The following XAGE5 variants were observed in gnomAD, a reference collection of about 807,000 sequenced individuals.
XAGE5 encodes G antigen, family D, 5.
XAGE5 carries 13 observed loss-of-function variants against 13.1 expected under a neutral mutation model. The observed-to-expected ratio is 0.99, with a 90% CI of 0.64 to 1.57. The LOEUF is 1.57. XAGE5 is among the 40% of genes most tolerant of loss of function. The pLI is 0.00. For synonymous variants in XAGE5, 17 were observed against 25.0 expected (o/e 0.68, Z 0.96); for missense variants, 86 against 77.6 (o/e 1.11, Z -0.41).
chrX:52,817,926 T>G (rs1556778244), intron 5 of XAGE5, among the ~76,000 whole-genome samples: 1 of 112,102 alleles, frequency 8.9e-6, no homozygotes, highest in Non-Finnish European at 1.9e-5. Flanking sequence ...TGATTTAATG[T>G]GATCTGACCT....
chrX:52,813,695 C>T (rs782693491), intron 4 of XAGE5, among the ~76,000 whole-genome samples: 1 of 111,500 alleles, frequency 9.0e-6, no homozygotes, highest in East Asian at 2.8e-4. Flanking sequence ...GGGATGTTAA[C>T]CTCATTTTAT....
chrX:52,818,221 C>G lies in XAGE5; in HGVS notation c.*8C>G. On this transcript the variant is annotated 3_prime_UTR_variant, in exon 6 of 6. Transcript: ENST00000375501. ...GGGAAACCACAGCTTTAAACGAAGA[C>G]AACCAAAAGAATGCAAACTGGATTT... The G allele has an allele frequency of 2.5e-6, 3 of 1,211,126 alleles. No individual in the cohort carries two copies. Among genetic ancestry groups the G allele is most frequent in the Non-Finnish European group, 3.4e-6 (3 of 894,875 alleles).
chrX:52,815,207 G>A lies in XAGE5; in HGVS notation c.294G>A (p.Met98Ile), dbSNP rs1556777963. 6 of 1,209,271 alleles carry A rather than the reference G, an allele frequency of 5.0e-6. No individual in the cohort carries two copies. Among genetic ancestry groups the A allele is most frequent in the African/African-American group, 1.7e-5 (1 of 57,771 alleles). ...TGCCAAAATCAGAGCAATTTAAAAT[G>A]CCAGAAGGAGGTATGTTATCCATTA... ...KILPKSEQFK[M>I]PEGGEGKPQL The change falls in exon 5 of 6, where the codon ATG becomes ATA. Residue 98 changes from methionine to isoleucine, a missense_variant. By Grantham distance (10) the Met-to-Ile change is conservative (BLOSUM62 1). Coordinates refer to ENST00000375501, the MANE Select transcript of XAGE5 (RefSeq NM_001386970.1).
intron 5 of XAGE5, among the ~76,000 whole-genome samples, chrX:52,817,915 T>G (rs1926939217): frequency 8.9e-6 from 1 of 112,169 alleles, no homozygotes; most frequent in Non-Finnish European, 1.9e-5. Context: ...ATAGATGCAC[T>G]TGATTTAATG....
At chrX:52,813,473 C>T (rs1232079709) in intron 4 of XAGE5, among the ~76,000 whole-genome samples, 2 of 111,902 alleles carry the variant, frequency 1.8e-5, no homozygotes, top group East Asian at 5.6e-4. Flanking sequence ...ATTTTGTATG[C>T]TTGAAAATAT....
In XAGE5 at chrX:52,816,133, G is replaced by A. The variant is rs112445966; in HGVS notation, c.304+916G>A. ...TAACTTTTGTATTTTTAATAGAGAC[G>A]GGGTTTCACCATGTTGGCCAGTCTG... On this transcript the variant is annotated intron_variant, in intron 5 of 5. Transcript: ENST00000375501. 4.8e-4 allele frequency among the ~76,000 whole-genome samples: 53 copies of A among 110,518 alleles called. 1 individual carries two copies. Among genetic ancestry groups the A allele is most frequent in the African/African-American group, 1.6e-3 (49 of 30,356 alleles).
At position 52,815,170 on chromosome X, in the gene XAGE5, A is replaced by T. The variant is rs782302301; in HGVS notation, c.257A>T (p.Gln86Leu). 1.2e-5 allele frequency: 14 copies of T among 1,211,153 alleles called. No homozygotes were observed. Among genetic ancestry groups the T allele is most frequent in the Non-Finnish European group, 1.6e-5 (14 of 895,103 alleles). Residue 86 changes from glutamine (Q) to leucine (L), a missense_variant, in exon 5 of 6, where the codon CAG becomes CTG. By Grantham distance (113) the Gln-to-Leu change is moderately radical. Coordinates refer to ENST00000375501, the MANE Select transcript of XAGE5 (RefSeq NM_001386970.1). ...GDECGDSPDV[Q>L]GKILPKSEQF... The stretch of plus-strand genomic sequence containing the variant: ...GAATGCGGAGATAGTCCTGATGTCC[A>T]GGGGAAGATTCTGCCAAAATCAGAG...
intron 4 of XAGE5, 188 bp from the exon 5 acceptor site, chrX:52,814,904 G>A (rs1447444444): frequency 2.2e-6 from 1 of 458,396 alleles, no homozygotes; most frequent in Non-Finnish European, 3.7e-6. Context: ...TATGGGAAAT[G>A]TAGGTGTGCT....
At chrX:52,814,913 C>A in intron 4 of XAGE5, 179 bp from the exon 5 acceptor site, 1 of 498,637 alleles carries the variant, frequency 2.0e-6, no homozygotes, top group Non-Finnish European at 3.3e-6. Flanking sequence ...TGTAGGTGTG[C>A]TGAGACTTAT....
intron 2 of XAGE5, chrX:52,812,201 CCATGGAAGTGCTCAA>C: frequency 6.6e-6 from 1 of 150,480 alleles, no homozygotes; most frequent in Non-Finnish European, 1.3e-5. Context: ...TAGCATTTGG[CCATGGAAGTGCTCAA>C]GTGTGGTATA....
rs1157447860 is a variant in XAGE5, at chrX:52,812,218, TGTG to T, written c.-8-338_-8-336del. The T allele has an allele frequency of 3.5e-5, 6 of 170,506 alleles. No individual in the cohort carries two copies. In the Admixed American group the frequency reaches 4.4e-4, roughly 13 times the overall value. The allele number at this position is 170,506 out of a possible 1,213,427, so 14.1% of individuals were successfully genotyped here. On this transcript the variant is annotated intron_variant, in intron 2 of 5. Coordinates refer to ENST00000375501, the MANE Select transcript of XAGE5 (RefSeq NM_001386970.1). ...GCATTTGGCCATGGAAGTGCTCAAG[TGTG>T]GTATACACTCAGGTGCATTTTTCCA...
intron 4 of XAGE5, 55 bp downstream of exon 4, chrX:52,813,300 T>A (rs1926840686): frequency 9.6e-7 from 1 of 1,044,037 alleles, no homozygotes; most frequent in East Asian, 3.0e-5. Context: ...TGTGTGTGCA[T>A]CACGCCTTAT....
chrX:52,815,634 C>T (rs1281384356), intron 5 of XAGE5, among the ~76,000 whole-genome samples: 6 of 112,846 alleles, frequency 5.3e-5, no homozygotes, highest in Non-Finnish European at 1.1e-4. Flanking sequence ...ATCCAACACC[C>T]ATTTTTGCTT....
chrX:52,815,694 G>A (rs1196583712), intron 5 of XAGE5, among the ~76,000 whole-genome samples: 1 of 112,253 alleles, frequency 8.9e-6, no homozygotes, highest in Non-Finnish European at 1.9e-5. Context: ...CCATTTCATT[G>A]CTGATTTCTA....
chrX:52,811,951 G>A (rs372609815), intron 2 of XAGE5, among the ~76,000 whole-genome samples: 16 of 111,171 alleles, frequency 1.4e-4, no homozygotes, highest in Admixed American at 1.1e-3. Flanking sequence ...AAAGCCATGG[G>A]CACTTTAATT....
chrX:52,812,785 A>G (rs1433523231), intron 3 of XAGE5, 147 bp downstream of exon 3: 11 of 544,840 alleles, frequency 2.0e-5, no homozygotes, highest in Non-Finnish European at 3.0e-5. Flanking sequence ...GAGTAACCCA[A>G]GAAGACTACA....
rs184068026 is a variant in XAGE5 at position 52,817,091 on chromosome X, A to G, written c.305-1100A>G. Reference sequence around the variant, plus strand: ...AAAAATGGAAAAAGCACAACATGGAATATGAACAAGACCCAGATATTGAAT... The same window carrying G: ...AAAAATGGAAAAAGCACAACATGGAGTATGAACAAGACCCAGATATTGAAT... On this transcript the variant is annotated intron_variant, in intron 5 of 5. Coordinates refer to ENST00000375501, the MANE Select transcript of XAGE5 (RefSeq NM_001386970.1). Among the ~76,000 whole-genome samples, 5 of 112,261 alleles carry G rather than the reference A, an allele frequency of 4.5e-5. No individual in the cohort carries two copies. In the East Asian group the frequency reaches 1.4e-3, roughly 31 times the overall value.
chrX:52,812,340 C>T (rs1556777441), intron 2 of XAGE5: 2 of 358,475 alleles, frequency 5.6e-6, no homozygotes, highest in Admixed American at 4.8e-5. Flanking sequence ...ATGGTGCAAT[C>T]TCGGCTGGCT....
Position 52,813,092 on chromosome X carries a change from AT to A in XAGE5, c.73-42del, listed in dbSNP as rs1569183984. The A allele has an allele frequency of 2.7e-6, 3 of 1,114,955 alleles. No homozygotes were observed. In the East Asian group the frequency reaches 9.1e-5, roughly 34 times the overall value. 91.9% of individuals were successfully genotyped at this position (1,114,955 alleles called of 1,213,427 possible). On this transcript the variant is annotated intron_variant, in intron 3 of 5. Transcript: ENST00000375501. ...TTATTGACATGCATTGATAAGAAAA[AT>A]TTTTTATCTCCACACACACACACCA...
Sources: gnomAD v4.1 joint callset for allele counts (sites outside exome capture counted in the v4.1 genomes callset) on GRCh38, gnomAD v4.1.1 for gene constraint, MANE v1.5 for transcripts, NCBI Gene and HGNC (gene_info 2026-07-23, HGNC 2026-07-21) for gene names.